MUC13: variants seen among roughly 807,000 people sequenced by gnomAD.
The protein encoded by MUC13 is mucin-13.
MUC13 carries 32 observed loss-of-function variants against 48.3 expected under a neutral mutation model. The ratio of observed to expected loss-of-function variants is 0.66; its 90% confidence interval spans 0.50 to 0.89. The LOEUF (loss-of-function observed/expected upper bound fraction) is 0.89, where lower values mean the gene tolerates loss of function less well. MUC13 is among the 40% of genes least tolerant of loss of function. The probability of loss-of-function intolerance (pLI) is 0.00; values close to 1 mark genes in which losing one functional copy is unlikely to be tolerated. For missense variants in MUC13, 571 were observed against 622.8 expected (o/e 0.92, Z 0.88); for synonymous variants, 199 against 224.9 (o/e 0.88, Z 1.03).
rs1490965227 is a variant in MUC13, at chr3:124,927,560, T to A, written c.486A>T (p.Leu162Phe). The A allele has an allele frequency of 6.2e-7, 1 of 1,614,188 alleles. No individual in the cohort carries two copies. Among genetic ancestry groups the A allele is most frequent in the Non-Finnish European group, 8.5e-7 (1 of 1,180,034 alleles). The stretch of plus-strand genomic sequence containing the variant: ...TGCTGTTTAGGGTGCTGGTCTCCAA[T>A]AAAGCGGTGCCAGTGGGAGGCCCTG... ...QSSGPPTGTA[L>F]LETSTLNSTG... The change falls in exon 2 of 12, where the codon TTA (leucine) becomes TTT (phenylalanine). Residue 162 changes from leucine to phenylalanine, a missense_variant. Transcript: ENST00000616727.
In MUC13 at chr3:124,927,929, TG is replaced by T; in HGVS notation, c.116del (p.Thr39LysfsTer2). 1.9e-6 allele frequency: 3 copies of T among 1,599,892 alleles called. No homozygotes were observed. Among genetic ancestry groups the T allele is most frequent in the Non-Finnish European group, 2.6e-6 (3 of 1,172,872 alleles). On this transcript the variant is annotated frameshift_variant, in exon 2 of 12. Transcript: ENST00000616727. LOFTEE classifies it high-confidence loss of function. ...TTTETATSGP[T>X]VAAADTTETN... ...TTTCAGTGGTATCAGCTGCAGCTAC[TG>T]TAGGACCACTAGTCGCAGTTTCTGT...
chr3:124,927,496 C>T, intron 2 of MUC13, 36 bp downstream of exon 2: 1 of 1,592,534 alleles, frequency 6.3e-7, no homozygotes, highest in Non-Finnish European at 8.6e-7. Context: ...ATTGTACTCT[C>T]CATCCTTGGG....
chr3:124,907,765 T>C (rs917088554), intron 11 of MUC13, among the ~76,000 whole-genome samples: 4 of 152,134 alleles, frequency 2.6e-5, no homozygotes, highest in Admixed American at 6.5e-5. Flanking sequence ...TATGTTTACA[T>C]CCAGTGTCCT....
At chr3:124,917,913 A>G (rs924295707) in intron 5 of MUC13, among the ~76,000 whole-genome samples, 8 of 152,234 alleles carry the variant, frequency 5.3e-5, no homozygotes, top group Non-Finnish European at 2.9e-5. Context: ...CATTAAAAGA[A>G]TCTACCAGTT....
At chr3:124,923,792 G>T in intron 2 of MUC13, 143 bp from the exon 3 acceptor site, 1 of 784,688 alleles carries the variant, frequency 1.3e-6, no homozygotes. Context: ...TTTTGGAAGA[G>T]TTAAAAACAA....
In MUC13 at chr3:124,922,208, T is replaced by C. The variant is rs775880331; in HGVS notation, c.733A>G (p.Ile245Val). 6.2e-7 allele frequency: 1 copy of C among 1,613,916 alleles called. No homozygotes were observed. The highest frequency in any genetic ancestry group is 8.5e-7 in the Non-Finnish European group (1 of 1,179,960). ...SMAYQDLHSE[I>V]TSLFKDVFGT... ...TGGAAAATACTTACCAAGCTAGTAA[T>C]TTCACTATGCAAGTCTTGATAGGCC... Residue 245 changes from isoleucine (I) to valine (V), a missense_variant, in exon 4 of 12, where the codon ATT (isoleucine) becomes GTT (valine). Physicochemically the swap from Ile to Val is conservative, Grantham distance 29. Transcript: ENST00000616727.
intron 5 of MUC13, among the ~76,000 whole-genome samples, chr3:124,917,943 G>C (rs1257987713): frequency 6.6e-6 from 1 of 152,118 alleles, no homozygotes; most frequent in Non-Finnish European, 1.5e-5. Flanking sequence ...ATTCAGGAGA[G>C]GCAAGACGTT....
At chr3:124,928,461 C>G (rs1478384922) in intron 1 of MUC13, among the ~76,000 whole-genome samples, 1 of 152,128 alleles carries the variant, frequency 6.6e-6, no homozygotes, top group East Asian at 1.9e-4. Flanking sequence ...TCACTGCAGC[C>G]TTGAGCTCCT....
At chr3:124,931,976 C>T (rs184153282) in intron 1 of MUC13, among the ~76,000 whole-genome samples, 347 of 151,900 alleles carry the variant, frequency 2.3e-3, no homozygotes, top group Non-Finnish European at 2.2e-3. Flanking sequence ...ACCTGGCAGG[C>T]GGAGGTTGCA....
At chr3:124,924,791 T>C (rs1022688170) in intron 2 of MUC13, among the ~76,000 whole-genome samples, 2 of 152,126 alleles carry the variant, frequency 1.3e-5, no homozygotes, top group Non-Finnish European at 2.9e-5. Context: ...TTTCCATAAT[T>C]ATAGGCCTAA....
At chr3:124,914,379 C>T (rs936952609) in intron 6 of MUC13, among the ~76,000 whole-genome samples, 10 of 151,444 alleles carry the variant, frequency 6.6e-5, no homozygotes, top group African/African-American at 1.7e-4. Context: ...CATTGCACTC[C>T]AGCTCTGGGT....
intron 5 of MUC13, 82 bp downstream of exon 5, chr3:124,920,151 TA>T: frequency 1.7e-6 from 2 of 1,180,482 alleles, no homozygotes; most frequent in Non-Finnish European, 2.5e-6. Flanking sequence ...CAGAGGGCCT[TA>T]ATGTTACATG....
chr3:124,934,216 G>A (rs966789870), intron 1 of MUC13, among the ~76,000 whole-genome samples: 10 of 152,026 alleles, frequency 6.6e-5, no homozygotes, highest in Admixed American at 2.6e-4. Context: ...CTGTCACTCC[G>A]TGTCATCTCA....
chr3:124,911,597 G>A (rs57790152), intron 9 of MUC13, among the ~76,000 whole-genome samples: 3,623 of 147,164 alleles, frequency 0.025, 136 homozygotes, highest in African/African-American at 0.085. Context: ...TTTAAAGTTA[G>A]TATTGTCTTA....
At chr3:124,908,052 C>A in intron 11 of MUC13, 95 bp downstream of exon 11, 3 of 1,198,536 alleles carry the variant, frequency 2.5e-6, no homozygotes, top group Non-Finnish European at 3.5e-6. Flanking sequence ...AGAAAGCCTG[C>A]GGGGCAGCCA....
rs147206826 is a variant in MUC13, at chr3:124,927,914, A to G, written c.132T>C (p.Asp44=). Reference sequence around the variant, plus strand: ...TTTCAGGGAAATTAGTTTCAGTGGTATCAGCTGCAGCTACTGTAGGACCAC... The same window carrying G: ...TTTCAGGGAAATTAGTTTCAGTGGTGTCAGCTGCAGCTACTGTAGGACCAC... The part of the protein sequence containing the change: ...ATSGPTVAAA[D]TTETNFPETA... The change falls in exon 2 of 12, where the codon GAT becomes GAC. Residue 44 remains aspartate (D), a synonymous_variant. Transcript: ENST00000616727. 5 of 1,610,578 alleles carry G rather than the reference A, an allele frequency of 3.1e-6. No homozygotes were observed. Among genetic ancestry groups the G allele is most frequent in the Non-Finnish European group, 4.2e-6 (5 of 1,178,550 alleles).
In MUC13 at chr3:124,908,136, C is replaced by G. The variant is rs1304914455; in HGVS notation, c.*11G>C. 1 of 1,613,752 alleles carries G rather than the reference C, an allele frequency of 6.2e-7. No individual in the cohort carries two copies. Among genetic ancestry groups the G allele is most frequent in the African/African-American group, 1.3e-5 (1 of 74,902 alleles). ...ACTCCCAAAAGCAGGAGAAAAAGCC[C>G]ACTGACTCACCTAATAGTCAGGGCG... On this transcript the variant is annotated intron_variant, in intron 11 of 11. Transcript: ENST00000616727.
chr3:124,921,075 G>A (rs1935586686), intron 4 of MUC13, among the ~76,000 whole-genome samples: 1 of 152,106 alleles, frequency 6.6e-6, no homozygotes, highest in Non-Finnish European at 1.5e-5. Context: ...AGTTCTAATA[G>A]TGATATAATT....
rs1031989351 is a variant in MUC13, at chr3:124,934,730, G to A, written c.-18C>T. 1.2e-5 allele frequency: 19 copies of A among 1,594,914 alleles called. No individual in the cohort carries two copies. The highest frequency in any genetic ancestry group is 1.6e-5 in the Non-Finnish European group (19 of 1,163,310). ...GCTTTCATTTTAGCTGTTCTTGCTT[G>A]GTAATCTGAGGAGGAAATGATTTCC... is the stretch of plus-strand genomic sequence containing the variant. On this transcript the variant is annotated 5_prime_UTR_variant, in exon 1 of 12. Transcript: ENST00000616727.
Sources: allele counts gnomAD v4.1 joint callset (sites outside exome capture counted in the v4.1 genomes callset), GRCh38; gene constraint gnomAD v4.1.1; transcripts MANE v1.5; gene names NCBI Gene and HGNC (gene_info 2026-07-23, HGNC 2026-07-21).